Variants in NEK5 observed in about 807,000 individuals in gnomAD.
The protein encoded by NEK5 is NIMA related kinase 5.
NEK5 carries 88 observed loss-of-function variants against 109.2 expected under a neutral mutation model. The observed-to-expected ratio is 0.81, with a 90% CI of 0.68 to 0.96. The LOEUF (loss-of-function observed/expected upper bound fraction) is 0.96. NEK5 is among the 40% of genes least tolerant of loss of function. The pLI is 0.00. For missense variants in NEK5, 834 were observed against 920.7 expected (o/e 0.91, Z 1.22); for synonymous variants, 283 against 299.9 (o/e 0.94, Z 0.58).
chr13:52,050,899 T>C (rs1470601177), intron 22 of NEK5, among the ~76,000 whole-genome samples: 1 of 151,718 alleles, frequency 6.6e-6, no homozygotes, highest in Non-Finnish European at 1.5e-5. Flanking sequence ...TTTGTATTTT[T>C]AGTAGAGACG....
At chr13:52,075,675 G>T in intron 19 of NEK5, 83 bp downstream of exon 19, 1 of 867,126 alleles carries the variant, frequency 1.2e-6, no homozygotes, top group Non-Finnish European at 1.8e-6. Context: ...CCTACAGCCT[G>T]TGAAATAATT....
chr13:52,062,561 C>A (rs540077616), intron 21 of NEK5, among the ~76,000 whole-genome samples: 1 of 152,134 alleles, frequency 6.6e-6, no homozygotes, highest in South Asian at 2.1e-4. Context: ...GCTGGGATTA[C>A]AGGTGTGTGC....
rs970861180 is a variant in NEK5 at position 52,037,189 on chromosome 13, C to T, written c.2258G>A (p.Arg753Lys). 2 of 984,506 alleles carry T rather than the reference C, an allele frequency of 2.0e-6. No individual in the cohort carries two copies. Among genetic ancestry groups the T allele is most frequent in the African/African-American group, 3.5e-5 (2 of 57,200 alleles). The allele number at this position is 984,506 out of a possible 1,614,324, so 61.0% of individuals were successfully genotyped here. A position where few individuals can be genotyped will look rare whatever the true frequency, so the allele number is the denominator to read the frequency against. Residue 753 changes from arginine (R) to lysine (K), a missense_variant, in exon 24 of 24, where the codon AGA (arginine) becomes AAA (lysine). Physicochemically the swap from Arg to Lys is conservative, Grantham distance 26. This residue lies in a region of NEK5 where 57 missense variants were observed against 96.0 expected (regional missense o/e 0.59). Coordinates refer to ENST00000684899, the MANE Select transcript of NEK5 (RefSeq NM_001365552.1). ...TNFEESEDELRDEVVEYLEKL... is the reference protein window; with the variant it reads ...TNFEESEDELKDEVVEYLEKL... Reference sequence around the variant, plus strand: ...TTCTAAGTATTCTACTACTTCATCTCTCAACTCATCTTCAGATTCTTCAAA... The same window carrying T: ...TTCTAAGTATTCTACTACTTCATCTTTCAACTCATCTTCAGATTCTTCAAA...
intron 22 of NEK5, among the ~76,000 whole-genome samples, chr13:52,054,189 C>A (rs1185641604): frequency 6.6e-6 from 1 of 152,158 alleles, no homozygotes; most frequent in African/African-American, 2.4e-5. Context: ...TTGGTGGTGA[C>A]TGCCTAACAT....
chr13:52,064,550 A>C (rs374546801), intron 21 of NEK5, among the ~76,000 whole-genome samples: 3 of 127,850 alleles, frequency 2.3e-5, no homozygotes, highest in Non-Finnish European at 5.0e-5. Flanking sequence ...GGTGAGGGGC[A>C]CCTCTGCCCG....
intron 17 of NEK5, among the ~76,000 whole-genome samples, chr13:52,080,221 G>GC (rs907934243): frequency 7.1e-5 from 10 of 140,100 alleles, no homozygotes; most frequent in African/African-American, 2.5e-4. Flanking sequence ...AGGTGGGGGG[G>GC]GGTCAGCCCC....
chr13:52,065,135 A>G (rs1418447333), intron 21 of NEK5: 2 of 331,608 alleles, frequency 6.0e-6, no homozygotes, highest in Non-Finnish European at 1.1e-5. Context: ...TAAAAATTAA[A>G]AAAAAAAAAA....
intron 19 of NEK5, among the ~76,000 whole-genome samples, chr13:52,073,297 G>C (rs1028151307): frequency 6.6e-6 from 1 of 151,048 alleles, no homozygotes; most frequent in Non-Finnish European, 1.5e-5. Context: ...GGACTCATTT[G>C]AACACCAAAC....
At chr13:52,094,033 T>C (rs1269918797) in intron 12 of NEK5, among the ~76,000 whole-genome samples, 1 of 152,206 alleles carries the variant, frequency 6.6e-6, no homozygotes, top group East Asian at 1.9e-4. Context: ...ATCAGAATCA[T>C]TCTTCCAGAG....
At chr13:52,082,169 G>C (rs1452614580) in intron 17 of NEK5, 2 of 252,568 alleles carry the variant, frequency 7.9e-6, no homozygotes, top group Admixed American at 5.4e-5. Context: ...ACAAAAATTA[G>C]CTGGGCGCGG....
At chr13:52,060,917 A>G (rs1407091298) in intron 22 of NEK5, among the ~76,000 whole-genome samples, 3 of 151,978 alleles carry the variant, frequency 2.0e-5, no homozygotes, top group African/African-American at 7.3e-5. Context: ...CAGGCTGGAG[A>G]GCAGTGATCA....
chr13:52,051,062 C>CTT (rs34408976), intron 22 of NEK5, among the ~76,000 whole-genome samples: 6 of 143,016 alleles, frequency 4.2e-5, no homozygotes, highest in African/African-American at 1.6e-4. Context: ...AAGGCAGGGG[C>CTT]TTTTTTTTTT....
chr13:52,066,878 T>TA (rs534501862), intron 20 of NEK5, among the ~76,000 whole-genome samples: 160 of 152,292 alleles, frequency 1.1e-3, no homozygotes, highest in African/African-American at 3.4e-3. Flanking sequence ...AACTCTTTTT[T>TA]AAAAAATTTA....
rs1593936723 is a variant in NEK5, at chr13:52,071,966, T to C, written c.1827A>G (p.Glu609=). ...TACCTGCTTCTGGGCAGTGAAGTTT[T>C]TCAAATGCTTTGTCTGTATAATCTC... is the stretch of plus-strand genomic sequence containing the variant. ...EHGDYTDKAF[E]KLHCPEAGFS... is the part of the protein sequence containing the mutation. Residue 609 remains glutamate (E), a synonymous_variant, in exon 20 of 24, where the codon GAA becomes GAG. Coordinates refer to ENST00000684899, the MANE Select transcript of NEK5 (RefSeq NM_001365552.1). 3 of 1,613,314 alleles carry C rather than the reference T, an allele frequency of 1.9e-6. No individual in the cohort carries two copies. The South Asian group carries it at 3.3e-5, about 18-fold the overall frequency.
intron 5 of NEK5, 103 bp downstream of exon 5, chr13:52,112,164 AC>A: frequency 1.8e-6 from 1 of 543,160 alleles, no homozygotes; most frequent in Non-Finnish European, 3.3e-6. Flanking sequence ...GTCTACCAAA[AC>A]ACATGCTTTA....
Position 52,076,113 on chromosome 13 carries a change from G to T in NEK5, c.1603C>A (p.Leu535Ile). The T allele has an allele frequency of 6.3e-7, 1 of 1,598,466 alleles. No individual in the cohort carries two copies. The highest frequency in any genetic ancestry group is 8.5e-7 in the Non-Finnish European group (1 of 1,169,866). The part of the protein sequence containing the change: ...DIEKDLKQMR[L>I]QNTKESKNPE... ...TTTTTACTTTCCTTTGTGTTCTGAA[G>T]CCTCATTTGTTTCAAGTCTTTTTCA... Residue 535 changes from leucine to isoleucine, a missense_variant, in exon 18 of 24, where the codon CTT becomes ATT. This residue lies in a region of NEK5 where 777 missense variants were observed against 824.7 expected (regional missense o/e 0.94). Coordinates refer to ENST00000684899, the MANE Select transcript of NEK5 (RefSeq NM_001365552.1).
chr13:52,102,308 G>A lies in NEK5; in HGVS notation c.610-16C>T, dbSNP rs1423286455. The A allele has an allele frequency of 1.9e-6, 3 of 1,588,622 alleles. No individual in the cohort carries two copies. Among genetic ancestry groups the A allele is most frequent in the Non-Finnish European group, 2.6e-6 (3 of 1,156,998 alleles). ...TACCCTCAAACTGAAAGGACAAGGA[G>A]AAATGACACTAAATCAGAGAAAAGT... On this transcript the variant is annotated splice_polypyrimidine_tract_variant and intron_variant, in intron 9 of 23. Coordinates refer to ENST00000684899, the MANE Select transcript of NEK5 (RefSeq NM_001365552.1).
chr13:52,093,280 C>G (rs1322810046), intron 12 of NEK5, 45 bp from the exon 13 acceptor site: 2 of 1,466,936 alleles, frequency 1.4e-6, no homozygotes, highest in African/African-American at 1.4e-5. Context: ...ATAATACAGG[C>G]TGGGTGCAGT....
intron 9 of NEK5, among the ~76,000 whole-genome samples, chr13:52,103,939 G>A (rs998758249): frequency 6.6e-6 from 1 of 151,970 alleles, no homozygotes; most frequent in Non-Finnish European, 1.5e-5. Flanking sequence ...TTTGCTGAAC[G>A]TATCTATTCA....
Sources: gnomAD v4.1 joint callset for allele counts (sites outside exome capture counted in the v4.1 genomes callset) on GRCh38, gnomAD v4.1.1 for gene constraint, gnomAD v4.1.1 regional missense constraint, MANE v1.5 for transcripts, NCBI Gene and HGNC (gene_info 2026-07-23, HGNC 2026-07-21) for gene names.